The following TLK2 variants were observed in gnomAD, a reference collection of about 807,000 sequenced individuals.
TLK2 encodes tousled like kinase 2, also known as serine/threonine-protein kinase tousled-like 2.
A neutral mutation model predicts 117.3 loss-of-function variants in TLK2; 6 were observed. The ratio of observed to expected loss-of-function variants is 0.05; its 90% CI spans 0.03 to 0.10. The LOEUF (loss-of-function observed/expected upper bound fraction) is 0.10, where lower values mean the gene tolerates loss of function less well. TLK2 is among the 10% of genes least tolerant of loss of function. The probability of loss-of-function intolerance (pLI) is 1.00; values close to 1 mark genes in which losing one functional copy is unlikely to be tolerated. For synonymous variants in TLK2, 257 were observed against 316.7 expected, an observed-to-expected ratio of 0.81 and a Z score of 2.00; for missense variants, 299 against 901.2, an observed-to-expected ratio of 0.33 and a Z score of 8.56.
chr17:62,571,537 G>T (rs1034591693), intron 11 of TLK2, among the ~76,000 whole-genome samples: 2 of 151,876 alleles, frequency 1.3e-5, no homozygotes, highest in Admixed American at 6.6e-5. Flanking sequence ...TAATCAAAAA[G>T]AATTTTCAGG....
chr17:62,472,122 G>A (rs762805001), intron 1 of TLK2, among the ~76,000 whole-genome samples: 43 of 151,242 alleles, frequency 2.8e-4, no homozygotes, highest in Non-Finnish European at 5.6e-4. Context: ...TAGCCAGGAT[G>A]GTCTTGATCT....
intron 7 of TLK2, among the ~76,000 whole-genome samples, chr17:62,548,236 A>ATGTGTGTGTGTGTGTGTG (rs759563217): frequency 6.4e-5 from 2 of 31,134 alleles, no homozygotes; most frequent in South Asian, 1.6e-3. Flanking sequence ...CCATATATAT[A>ATGTGTGTGTGTGTGTGTG]TATATGTGTG....
intron 11 of TLK2, among the ~76,000 whole-genome samples, chr17:62,571,952 G>A (rs1351819933): frequency 6.6e-6 from 1 of 152,094 alleles, no homozygotes; most frequent in Non-Finnish European, 1.5e-5. Context: ...TGGATCACTT[G>A]AAGTCAAGAG....
intron 21 of TLK2, among the ~76,000 whole-genome samples, chr17:62,608,479 T>G (rs1443630705): frequency 6.6e-6 from 1 of 152,192 alleles, no homozygotes; most frequent in East Asian, 1.9e-4. Flanking sequence ...GCTTCATCTG[T>G]ATTCAGGGAT....
intron 2 of TLK2, among the ~76,000 whole-genome samples, chr17:62,502,307 A>G (rs1009909546): frequency 2.6e-5 from 4 of 152,186 alleles, no homozygotes; most frequent in South Asian, 2.1e-4. Context: ...GTGGCTTTGT[A>G]ATAGTTACCT....
intron 2 of TLK2, chr17:62,508,315 G>A: frequency 1.8e-6 from 1 of 552,898 alleles, no homozygotes; most frequent in South Asian, 8.1e-5. Flanking sequence ...AAGAAAATAA[G>A]ATAAAATACC....
At chr17:62,605,809 A>T (rs964963689) in intron 19 of TLK2, among the ~76,000 whole-genome samples, 9 of 151,836 alleles carry the variant, frequency 5.9e-5, no homozygotes, top group Non-Finnish European at 1.3e-4. Context: ...GTTTGAGACC[A>T]GCCTGGGCAA....
At chr17:62,557,270 A>G (rs1200028758) in intron 9 of TLK2, among the ~76,000 whole-genome samples, 2 of 151,986 alleles carry the variant, frequency 1.3e-5, no homozygotes, top group African/African-American at 4.8e-5. Flanking sequence ...CTCATCTAAT[A>G]TACTTTCTTA....
At chr17:62,501,803 A>G (rs987469688) in intron 2 of TLK2, among the ~76,000 whole-genome samples, 7 of 151,974 alleles carry the variant, frequency 4.6e-5, no homozygotes, top group Admixed American at 1.3e-4. Context: ...TACAAAAAAT[A>G]TAAATAAATG....
chr17:62,574,203 A>G, intron 12 of TLK2: 19 of 1,317,626 alleles, frequency 1.4e-5, no homozygotes, highest in Non-Finnish European at 1.8e-5. Flanking sequence ...AGTCTGTGGC[A>G]TCCTAGAAGT....
At chr17:62,543,971 T>A (rs1302121453) in intron 7 of TLK2, among the ~76,000 whole-genome samples, 1 of 152,238 alleles carries the variant, frequency 6.6e-6, no homozygotes. Context: ...GCTCTTATAT[T>A]TAGGTCTTTT....
At chr17:62,609,035 C>T (rs2083525806) in intron 21 of TLK2, among the ~76,000 whole-genome samples, 1 of 152,156 alleles carries the variant, frequency 6.6e-6, no homozygotes, top group Non-Finnish European at 1.5e-5. Flanking sequence ...CCATTGGGTG[C>T]TGTGGTCATT....
At position 62,596,222 on chromosome 17, in the gene TLK2, C is replaced by T. The variant is rs186045382; in HGVS notation, c.1461-363C>T. Among the ~76,000 whole-genome samples, 10 of 152,194 alleles carry T rather than the reference C, an allele frequency of 6.6e-5. No individual in the cohort carries two copies. The East Asian group carries it at 1.2e-3, about 18-fold the overall frequency. On this transcript the variant is annotated intron_variant, in intron 16 of 21. Coordinates refer to ENST00000346027, the MANE Select transcript of TLK2 (RefSeq NM_006852.6). ...TCCCGAGTAGCTGGGACCACAGGTG[C>T]GCACCACTACGCCCAGCTAAGTTTT... is the stretch of plus-strand genomic sequence containing the variant.
At position 62,612,894 on chromosome 17, in the gene TLK2, AG is replaced by A; in HGVS notation, c.*335del. ...TGTGAACTTGAAAACTTGCAGACTC[AG>A]GGGGGTCCCTGATGCAGTGCTTCAG... On this transcript the variant is annotated 3_prime_UTR_variant, in exon 22 of 22. Coordinates refer to ENST00000346027, the MANE Select transcript of TLK2 (RefSeq NM_006852.6). The A allele has an allele frequency of 5.8e-6, 1 of 172,316 alleles. No homozygotes were observed. The highest frequency in any genetic ancestry group is 1.2e-5 in the Non-Finnish European group (1 of 81,384). 10.7% of individuals were successfully genotyped at this position (172,316 alleles called of 1,614,324 possible).
At chr17:62,604,967 T>C (rs1314843619) in intron 19 of TLK2, among the ~76,000 whole-genome samples, 2 of 152,168 alleles carry the variant, frequency 1.3e-5, no homozygotes, top group Non-Finnish European at 2.9e-5. Flanking sequence ...CACAAATATA[T>C]TTAAATGGTC....
At chr17:62,548,238 A>ATGTGTGTGTGTGTGTGTGTG (rs141908103) in intron 7 of TLK2, among the ~76,000 whole-genome samples, 3 of 111,908 alleles carry the variant, frequency 2.7e-5, no homozygotes, top group African/African-American at 7.3e-5. Context: ...ATATATATAT[A>ATGTGTGTGTGTGTGTGTGTG]TATGTGTGTG....
At chr17:62,578,672 A>G in intron 14 of TLK2, 98 bp downstream of exon 14, 5 of 901,754 alleles carry the variant, frequency 5.5e-6, no homozygotes, top group Non-Finnish European at 6.9e-6. Context: ...TGTAAGTTAC[A>G]TAAATGATTC....
At chr17:62,596,166 C>T (rs1162488817) in intron 16 of TLK2, among the ~76,000 whole-genome samples, 1 of 152,190 alleles carries the variant, frequency 6.6e-6, no homozygotes, top group African/African-American at 2.4e-5. Context: ...CATCCTCCAA[C>T]TCCTGGGTTC....
At chr17:62,486,303 G>A (rs2072375750) in intron 2 of TLK2, among the ~76,000 whole-genome samples, 1 of 151,976 alleles carries the variant, frequency 6.6e-6, no homozygotes, top group African/African-American at 2.4e-5. Context: ...GACTACAGGC[G>A]TGTGCCACTA....
Sources: gnomAD v4.1 joint callset for allele counts (sites outside exome capture counted in the v4.1 genomes callset) on GRCh38, gnomAD v4.1.1 for gene constraint, MANE v1.5 for transcripts, NCBI Gene and HGNC (gene_info 2026-07-23, HGNC 2026-07-21) for gene names.